HIVEP2: variants seen among roughly 807,000 people sequenced by gnomAD.
The protein encoded by HIVEP2 is transcription factor HIVEP2.
HIVEP2 carries 14 observed loss-of-function variants against 180.7 expected under a neutral mutation model. That is an observed-to-expected ratio of 0.08 (90% confidence interval 0.05 to 0.12). The LOEUF is 0.12. HIVEP2 is among the 10% of genes least tolerant of loss of function. HIVEP2 has a pLI of 1.00. For missense variants in HIVEP2, 2,579 were observed against 3,008.5 expected, an observed-to-expected ratio of 0.86 and a Z score of 3.34; for synonymous variants, 1,184 against 1,136.4, an observed-to-expected ratio of 1.04 and a Z score of -0.84.
At chr6:142,863,422 A>T (rs1285880556) in intron 1 of HIVEP2, among the ~76,000 whole-genome samples, 4 of 152,096 alleles carry the variant, frequency 2.6e-5, no homozygotes, top group African/African-American at 9.7e-5. Context: ...ATTACAAATT[A>T]ACTTCTTTAA....
intron 2 of HIVEP2, among the ~76,000 whole-genome samples, chr6:142,830,389 T>G (rs1268664535): frequency 6.6e-6 from 1 of 152,128 alleles, no homozygotes; most frequent in Non-Finnish European, 1.5e-5. Flanking sequence ...AAGAAAAAGA[T>G]AGCTATTTTT....
chr6:142,944,121 C>T (rs1485881842), intron 1 of HIVEP2, among the ~76,000 whole-genome samples: 1 of 152,164 alleles, frequency 6.6e-6, no homozygotes, highest in African/African-American at 2.4e-5. Context: ...TGAAGAAACC[C>T]TCCTTCCCTT....
chr6:142,823,485 A>C (rs1777097070), intron 2 of HIVEP2, among the ~76,000 whole-genome samples: 1 of 152,200 alleles, frequency 6.6e-6, no homozygotes, highest in South Asian at 2.1e-4. Flanking sequence ...TTTCCAAAGC[A>C]GAGAAGATTC....
At position 142,760,223 on chromosome 6, in the gene HIVEP2, A is replaced by G. The variant is rs770118634; in HGVS notation, c.6065T>C (p.Met2022Thr). The change falls in exon 9 of 10, where the codon ATG becomes ACG. Residue 2022 changes from methionine to threonine, a missense_variant. This residue lies in a region of HIVEP2 where 660 missense variants were observed against 731.7 expected (regional missense o/e 0.90). Coordinates refer to ENST00000367603, the MANE Select transcript of HIVEP2 (RefSeq NM_006734.4). ...DKDRLDIPSC[M>T]DEECMLPSEP... is the part of the protein sequence containing the mutation. ...TGAAGGTAGCATGCACTCCTCATCC[A>G]TACAACTAGGTATGTCCAATCTGTC... 2.5e-6 allele frequency: 4 copies of G among 1,614,186 alleles called. No homozygotes were observed. The highest frequency in any genetic ancestry group is 3.4e-6 in the Non-Finnish European group (4 of 1,180,028).
chr6:142,814,423 G>C (rs908455259), intron 2 of HIVEP2, among the ~76,000 whole-genome samples: 3 of 152,132 alleles, frequency 2.0e-5, no homozygotes, highest in Non-Finnish European at 4.4e-5. Context: ...TGGAGACTTC[G>C]GGCAAGGACA....
chr6:142,806,735 A>G (rs1776563688), intron 2 of HIVEP2, among the ~76,000 whole-genome samples: 1 of 152,224 alleles, frequency 6.6e-6, no homozygotes, highest in South Asian at 2.1e-4. Flanking sequence ...AGACATTAAA[A>G]TACCATAAAC....
rs35267339 is a variant in HIVEP2 at position 142,770,785 on chromosome 6, A to G, written c.3954T>C (p.Phe1318=). Residue 1318 remains phenylalanine, a synonymous_variant, in exon 5 of 10, where the codon TTT becomes TTC. Coordinates refer to ENST00000367603, the MANE Select transcript of HIVEP2 (RefSeq NM_006734.4). This position sits in a 1 kb window ranked among gnomAD's most constrained non-coding sequence, Gnocchi z 4.7. The part of the protein sequence containing the change: ...TPSEQVLQED[F]ASANAGSLQS... Reference sequence around the variant, plus strand: ...GCAAAGACCCAGCATTTGCCGAGGCAAAATCTTCTTGAAGAACCTGCTCAG... The same window carrying G: ...GCAAAGACCCAGCATTTGCCGAGGCGAAATCTTCTTGAAGAACCTGCTCAG... The G allele has an allele frequency of 2.1e-3, 3,384 of 1,614,200 alleles. 81 individuals are homozygous for G. The African/African-American group carries it at 0.04, about 19-fold the overall frequency.
chr6:142,866,720 G>C (rs107119), intron 1 of HIVEP2, among the ~76,000 whole-genome samples: 96,241 of 151,900 alleles, frequency 0.63, 30,940 homozygotes, highest in African/African-American at 0.68. Flanking sequence ...CTGTGGAAAG[G>C]GCTTTCTCTT....
In HIVEP2 at chr6:142,805,761, T is replaced by C. The variant is rs117926063; in HGVS notation, c.-527-22146A>G. Among the ~76,000 whole-genome samples the C allele has an allele frequency of 3.4e-3, 522 of 152,246 alleles. 4 individuals are homozygous for C. Among genetic ancestry groups the C allele is most frequent in the Non-Finnish European group, 6.3e-3 (426 of 68,012 alleles). On this transcript the variant is annotated intron_variant, in intron 2 of 9. Transcript: ENST00000367603. ...TGCACATAGATTTTATAATGCCACC[T>C]ACCAAGGGCCTAATTTGGAGGGCTC... is the stretch of plus-strand genomic sequence containing the variant.
intron 2 of HIVEP2, among the ~76,000 whole-genome samples, chr6:142,798,922 T>C (rs1233826654): frequency 1.3e-5 from 2 of 152,202 alleles, no homozygotes; most frequent in African/African-American, 4.8e-5. Context: ...AATATTGGCA[T>C]TCTTATTTAT....
chr6:142,773,580 G>C lies in HIVEP2; in HGVS notation c.1159C>G (p.Leu387Val), dbSNP rs768495222. 8.7e-6 allele frequency: 14 copies of C among 1,614,114 alleles called. No homozygotes were observed. Among genetic ancestry groups the C allele is most frequent in the Non-Finnish European group, 1.2e-5 (14 of 1,180,044 alleles). Residue 387 changes from leucine (L) to valine (V), a missense_variant, in exon 5 of 10, where the codon CTT becomes GTT. Coordinates refer to ENST00000367603, the MANE Select transcript of HIVEP2 (RefSeq NM_006734.4). ...CTTCCTTTACTGTGCGGGCTCAGAAGGTTGAGCGATGGCTCAGAATCTTGT... is the reference window on the plus strand; with the variant it reads ...CTTCCTTTACTGTGCGGGCTCAGAACGTTGAGCGATGGCTCAGAATCTTGT... ...KGQDSEPSLN[L>V]LSPHSKGSTD...
chr6:142,791,038 A>AAG (rs918301535), intron 2 of HIVEP2, among the ~76,000 whole-genome samples: 13 of 152,304 alleles, frequency 8.5e-5, no homozygotes, highest in African/African-American at 2.4e-4. Context: ...ACTTCTAATA[A>AAG]CTGAGCTGCT....
chr6:142,926,496 T>C (rs566643190), intron 1 of HIVEP2, among the ~76,000 whole-genome samples: 100 of 152,308 alleles, frequency 6.6e-4, no homozygotes, highest in Non-Finnish European at 1.1e-3. Flanking sequence ...AGGTTTCCTG[T>C]GAGGGCTTTG....
rs376382690 is a variant in HIVEP2 at position 142,774,573 on chromosome 6, C to T, written c.166G>A (p.Gly56Arg). ...RQPQIEPEQI[G>R]NTASAQLFGS... ...AACAGTTGTGCTGATGCTGTGTTTCCGATTTGCTCAGGCTCTATTTGTGGT... is the reference window on the plus strand; with the variant it reads ...AACAGTTGTGCTGATGCTGTGTTTCTGATTTGCTCAGGCTCTATTTGTGGT... The change falls in exon 5 of 10, where the codon GGA becomes AGA. Residue 56 changes from glycine (G) to arginine (R), a missense_variant. This residue lies in a region of HIVEP2 where 207 missense variants were observed against 210.1 expected (regional missense o/e 0.99). Transcript: ENST00000367603. The surrounding 1 kb of genome is among the most constrained non-coding windows in gnomAD (Gnocchi z 5.1). 58 of 1,614,180 alleles carry T rather than the reference C, an allele frequency of 3.6e-5. No individual in the cohort carries two copies. The highest frequency in any genetic ancestry group is 4.5e-5 in the Non-Finnish European group (53 of 1,180,038).
chr6:142,916,532 C>CT (rs1166679790), intron 1 of HIVEP2, among the ~76,000 whole-genome samples: 1 of 152,150 alleles, frequency 6.6e-6, no homozygotes, highest in African/African-American at 2.4e-5. Flanking sequence ...CCACCAACCC[C>CT]TTCACTTATT....
At chr6:142,778,682 G>T (rs1775765763) in intron 3 of HIVEP2, among the ~76,000 whole-genome samples, 1 of 151,826 alleles carries the variant, frequency 6.6e-6, no homozygotes. Flanking sequence ...CTATGCTAAG[G>T]GTATTATTAC....
At position 142,774,977 on chromosome 6, in the gene HIVEP2, C is replaced by T; in HGVS notation, c.-239G>A. On this transcript the variant is annotated 5_prime_UTR_variant, in exon 5 of 10. Transcript: ENST00000367603. This position sits in a 1 kb window ranked among gnomAD's most constrained non-coding sequence, Gnocchi z 5.1. ...TTCTCTCCATTGTAGAAACGTCCAT[C>T]CAAAAGCTAAGTGCAAATCTATAAA... 7.8e-7 allele frequency: 1 copy of T among 1,275,610 alleles called. No individual in the cohort carries two copies. The highest frequency in any genetic ancestry group is 9.9e-7 in the Non-Finnish European group (1 of 1,011,868). 79.0% of individuals were successfully genotyped at this position (1,275,610 alleles called of 1,614,324 possible).
intron 1 of HIVEP2, among the ~76,000 whole-genome samples, chr6:142,938,036 C>G (rs887004850): frequency 3.3e-5 from 5 of 152,160 alleles, no homozygotes; most frequent in Admixed American, 3.3e-4. Context: ...ACATTGCATT[C>G]TCTACAACTA....
intron 7 of HIVEP2, among the ~76,000 whole-genome samples, chr6:142,764,505 C>G (rs1197865987): frequency 6.6e-6 from 1 of 152,106 alleles, no homozygotes. Context: ...TTATCTAGAC[C>G]ACATAACATT....
Sources: allele counts gnomAD v4.1 joint callset (sites outside exome capture counted in the v4.1 genomes callset), GRCh38; gene constraint gnomAD v4.1.1; regional missense constraint gnomAD v4.1.1; non-coding constraint Gnocchi (gnomAD v3.1); transcripts MANE v1.5; gene names NCBI Gene and HGNC (gene_info 2026-07-23, HGNC 2026-07-21).